The following LNX1 variants were observed in gnomAD, a reference collection of about 807,000 sequenced individuals.
The protein encoded by LNX1 is ligand of numb-protein X 1, also known as E3 ubiquitin-protein ligase LNX.
A neutral mutation model predicts 68.4 loss-of-function variants in LNX1; 54 were observed. The ratio of observed to expected loss-of-function variants is 0.79; its 90% confidence interval spans 0.63 to 0.99. The LOEUF is 0.99. LNX1 is among the 50% of genes least tolerant of loss of function. The pLI is 0.00. For synonymous variants in LNX1, 336 were observed against 350.0 expected, an observed-to-expected ratio of 0.96 and a Z score of 0.45; for missense variants, 906 against 926.4, an observed-to-expected ratio of 0.98 and a Z score of 0.29.
chr4:53,611,846 C>T (rs1483143114), intron 2 of LNX1, among the ~76,000 whole-genome samples: 2 of 152,094 alleles, frequency 1.3e-5, no homozygotes, highest in African/African-American at 4.8e-5. Context: ...AGGACAAACC[C>T]TCCCAATAAA....
chr4:53,507,906 A>T, intron 3 of LNX1, 80 bp downstream of exon 3: 1 of 1,514,108 alleles, frequency 6.6e-7, no homozygotes. Flanking sequence ...ACATTTACAG[A>T]ACTTTCCACA....
intron 1 of LNX1, chr4:53,652,101 G>A (rs555444859): frequency 3.0e-4 from 46 of 152,036 alleles, no homozygotes; most frequent in African/African-American, 1.1e-3. Flanking sequence ...AGGCTGAGTG[G>A]GCAGAGGTGA....
Position 53,573,955 on chromosome 4 carries a change from C to T in LNX1, c.48G>A (p.Val16=), listed in dbSNP as rs563428803. Residue 16 remains valine, a synonymous_variant, in exon 2 of 11, where the codon GTG becomes GTA. Coordinates refer to ENST00000263925, the MANE Select transcript of LNX1 (RefSeq NM_001126328.3). ...SANDPEPLCA[V]CGQAHSLEEN... is the part of the protein sequence containing the mutation. ...CCTCCAAGGAGTGGGCTTGGCCACACACTGCACACAGGGGTTCAGGATCGT... is the reference window on the plus strand; with the variant it reads ...CCTCCAAGGAGTGGGCTTGGCCACATACTGCACACAGGGGTTCAGGATCGT... 5 of 1,613,702 alleles carry T rather than the reference C, an allele frequency of 3.1e-6. No homozygotes were observed. The highest frequency in any genetic ancestry group is 4.5e-5 in the East Asian group (2 of 44,888).
intron 1 of LNX1, among the ~76,000 whole-genome samples, chr4:53,632,013 C>T (rs1447124035): frequency 1.3e-5 from 2 of 152,110 alleles, no homozygotes; most frequent in South Asian, 2.1e-4. Flanking sequence ...GGAGAAGGAG[C>T]GGCCAAAGCT....
chr4:53,484,777 T>C (rs1349701285), intron 6 of LNX1, among the ~76,000 whole-genome samples: 1 of 152,160 alleles, frequency 6.6e-6, no homozygotes, highest in Non-Finnish European at 1.5e-5. Context: ...AGAGTGTCTA[T>C]TGTAACATCA....
chr4:53,605,464 C>G (rs750677984), intron 2 of LNX1, among the ~76,000 whole-genome samples: 2 of 151,918 alleles, frequency 1.3e-5, no homozygotes, highest in African/African-American at 2.4e-5. Context: ...AAATATGTTC[C>G]CAGTAAATTT....
upstream of LNX1, among the ~76,000 whole-genome samples, chr4:53,593,433 C>G (rs7680439): frequency 2.6e-5 from 4 of 152,126 alleles, no homozygotes; most frequent in African/African-American, 9.7e-5. Context: ...GCCTGGAGAT[C>G]GTGAGGTTTC....
chr4:53,472,161 A>G (rs1318381545), intron 9 of LNX1, among the ~76,000 whole-genome samples: 5 of 152,250 alleles, frequency 3.3e-5, no homozygotes, highest in Non-Finnish European at 1.5e-5. Context: ...GTAGCCATAA[A>G]AAAGGATGAG....
intron 9 of LNX1, among the ~76,000 whole-genome samples, chr4:53,466,895 T>G (rs1722731428): frequency 6.6e-6 from 1 of 152,182 alleles, no homozygotes; most frequent in Non-Finnish European, 1.5e-5. Flanking sequence ...GGCCTGCTTC[T>G]CTGTAGGCTC....
At chr4:53,516,455 T>C (rs968933226) in intron 2 of LNX1, among the ~76,000 whole-genome samples, 10 of 152,068 alleles carry the variant, frequency 6.6e-5, no homozygotes, top group African/African-American at 2.4e-4. Context: ...AGGTAAGAGC[T>C]AAGTGTCAGG....
At chr4:53,553,278 T>C (rs1210320840) in intron 2 of LNX1, among the ~76,000 whole-genome samples, 1 of 152,138 alleles carries the variant, frequency 6.6e-6, no homozygotes, top group Non-Finnish European at 1.5e-5. Context: ...TCTTAAACTG[T>C]AGTGCCCATA....
At chr4:53,482,089 G>T (rs1385882172) in intron 6 of LNX1, among the ~76,000 whole-genome samples, 1 of 152,198 alleles carries the variant, frequency 6.6e-6, no homozygotes, top group Non-Finnish European at 1.5e-5. Context: ...ACTAGGGAAG[G>T]TTTGGTTCCT....
At chr4:53,526,176 A>G (rs1430313134) in intron 2 of LNX1, among the ~76,000 whole-genome samples, 2 of 152,216 alleles carry the variant, frequency 1.3e-5, no homozygotes, top group Admixed American at 6.5e-5. Flanking sequence ...CAACAGTGAT[A>G]TGAACAAACA....
At position 53,478,812 on chromosome 4, in the gene LNX1, C is replaced by A. The variant is rs567800014; in HGVS notation, c.1486-70G>T. ...TGGTAGTTTTTGAATGTAGAAAATG[C>A]AAAGTGGGTTTCCATTTTCTAAATG... On this transcript the variant is annotated intron_variant, in intron 7 of 10. Coordinates refer to ENST00000263925, the MANE Select transcript of LNX1 (RefSeq NM_001126328.3). 3.4e-6 allele frequency: 5 copies of A among 1,464,080 alleles called. No individual in the cohort carries two copies. In the African/African-American group the frequency reaches 4.2e-5, roughly 12 times the overall value. The allele number at this position is 1,464,080 out of a possible 1,614,324, so 90.7% of individuals were successfully genotyped here. A position where few individuals can be genotyped will look rare whatever the true frequency, so the allele number is the denominator to read the frequency against.
intron 1 of LNX1, among the ~76,000 whole-genome samples, chr4:53,629,395 C>G (rs552142344): frequency 2.0e-5 from 3 of 152,278 alleles, no homozygotes; most frequent in Admixed American, 2.0e-4. Flanking sequence ...AAGAGGCAGA[C>G]TTGCAGTGCT....
intron 1 of LNX1, among the ~76,000 whole-genome samples, chr4:53,630,284 T>G (rs1319160731): frequency 6.6e-6 from 1 of 152,206 alleles, no homozygotes; most frequent in Non-Finnish European, 1.5e-5. Context: ...AGTTATGAAT[T>G]TAGCTACTTG....
At chr4:53,462,145 A>AAAC (rs1266712104) in intron 9 of LNX1, among the ~76,000 whole-genome samples, 1 of 152,112 alleles carries the variant, frequency 6.6e-6, no homozygotes, top group Non-Finnish European at 1.5e-5. Context: ...AAGTGAATGG[A>AAAC]AACAGAAACG....
At chr4:53,556,980 A>C (rs1412817135) in intron 2 of LNX1, among the ~76,000 whole-genome samples, 2 of 152,200 alleles carry the variant, frequency 1.3e-5, no homozygotes, top group Non-Finnish European at 2.9e-5. Flanking sequence ...CCGTCTGGTT[A>C]GGTTCATAAG....
chr4:53,502,996 T>C (rs1725615979), intron 4 of LNX1, among the ~76,000 whole-genome samples: 1 of 151,870 alleles, frequency 6.6e-6, no homozygotes, highest in African/African-American at 2.4e-5. Context: ...AGTGGTGCGA[T>C]CTCGGCTCAC....
Sources: gnomAD v4.1 joint callset for allele counts (sites outside exome capture counted in the v4.1 genomes callset) on GRCh38, gnomAD v4.1.1 for gene constraint, MANE v1.5 for transcripts, NCBI Gene and HGNC (gene_info 2026-07-23, HGNC 2026-07-21) for gene names.